The following NEK11 variants were observed in gnomAD, a reference collection of about 807,000 sequenced individuals.
The protein encoded by NEK11 is NIMA related kinase 11.
Under a neutral mutation model 80.7 loss-of-function variants are expected in NEK11, and 72 were observed. The observed-to-expected ratio is 0.89, with a 90% CI of 0.74 to 1.08. The LOEUF (loss-of-function observed/expected upper bound fraction) is 1.08, where lower values mean the gene tolerates loss of function less well. NEK11 is among the 50% of genes least tolerant of loss of function. The pLI, the probability that NEK11 is intolerant of heterozygous loss-of-function variation, is 0.00. For synonymous variants in NEK11, 251 were observed against 260.7 expected (o/e 0.96, Z 0.36); for missense variants, 764 against 763.6 (o/e 1.00, Z -0.01).
At chr3:131,028,734 T>C (rs994239042) in intron 2 of NEK11, among the ~76,000 whole-genome samples, 5 of 152,106 alleles carry the variant, frequency 3.3e-5, no homozygotes, top group Admixed American at 1.3e-4. Flanking sequence ...GCTAATTTTT[T>C]TGTATTAGAC....
At chr3:131,199,955 A>T (rs2094165078) in intron 14 of NEK11, among the ~76,000 whole-genome samples, 1 of 152,168 alleles carries the variant, frequency 6.6e-6, no homozygotes. Flanking sequence ...ATTTCAGGAA[A>T]TAACAGGGGA....
At chr3:131,335,480 A>G (rs1461150037) in intron 17 of NEK11, among the ~76,000 whole-genome samples, 1 of 152,226 alleles carries the variant, frequency 6.6e-6, no homozygotes, top group African/African-American at 2.4e-5. Flanking sequence ...AAATAATAAG[A>G]GCTATCTATG....
At chr3:131,200,185 A>G (rs1265178182) in intron 14 of NEK11, among the ~76,000 whole-genome samples, 1 of 152,246 alleles carries the variant, frequency 6.6e-6, no homozygotes, top group Non-Finnish European at 1.5e-5. Context: ...AAAGAAACGC[A>G]TAAGTAATTG....
intron 10 of NEK11, among the ~76,000 whole-genome samples, chr3:131,159,896 A>G (rs1203191557): frequency 6.6e-6 from 1 of 152,120 alleles, no homozygotes; most frequent in Non-Finnish European, 1.5e-5. Flanking sequence ...AATGAATAAA[A>G]CCTCCAAGAA....
intron 16 of NEK11, among the ~76,000 whole-genome samples, chr3:131,244,872 T>G (rs566042697): frequency 1.3e-4 from 20 of 152,210 alleles, no homozygotes; most frequent in African/African-American, 4.8e-4. Flanking sequence ...TGCGGTGAGT[T>G]GTGATTATAC....
intron 3 of NEK11, among the ~76,000 whole-genome samples, chr3:131,063,731 T>C (rs2071350320): frequency 6.6e-6 from 1 of 152,120 alleles, no homozygotes; most frequent in Non-Finnish European, 1.5e-5. Context: ...AAAATGATTA[T>C]CCTTGAGCTT....
At chr3:131,206,571 C>A (rs1196731665) in intron 14 of NEK11, among the ~76,000 whole-genome samples, 1 of 152,144 alleles carries the variant, frequency 6.6e-6, no homozygotes, top group Admixed American at 6.5e-5. Context: ...TTATCTATCA[C>A]ACAAGCAAAA....
At chr3:131,072,278 C>T (rs1397670641) in intron 3 of NEK11, 2 of 152,220 alleles carry the variant, frequency 1.3e-5, no homozygotes, top group African/African-American at 2.4e-5. Flanking sequence ...TTCATGGCTC[C>T]AGCTGGCTGC....
intron 16 of NEK11, among the ~76,000 whole-genome samples, chr3:131,271,336 G>C (rs995421972): frequency 6.6e-6 from 1 of 152,198 alleles, no homozygotes; most frequent in Non-Finnish European, 1.5e-5. Context: ...TAGGGATCTA[G>C]TCCAAGGAAA....
intron 4 of NEK11, among the ~76,000 whole-genome samples, chr3:131,108,424 AT>A: frequency 1.3e-5 from 2 of 152,242 alleles, no homozygotes; most frequent in South Asian, 4.1e-4. Flanking sequence ...TGTGTTTTGC[AT>A]CCTGCAAAGA....
intron 15 of NEK11, among the ~76,000 whole-genome samples, chr3:131,234,966 C>T (rs2095406839): frequency 6.6e-6 from 1 of 151,742 alleles, no homozygotes; most frequent in Admixed American, 6.6e-5. Context: ...CATTTTTCAC[C>T]CCAATACCAA....
intron 14 of NEK11, among the ~76,000 whole-genome samples, chr3:131,209,237 GTGGTTTTTGTCTT>G (rs1435787016): frequency 6.6e-6 from 1 of 152,142 alleles, no homozygotes; most frequent in Non-Finnish European, 1.5e-5. Flanking sequence ...AGATAATCAT[GTGGTTTTTGTCTT>G]TGGTTCTGTT....
intron 14 of NEK11, among the ~76,000 whole-genome samples, chr3:131,181,623 G>A (rs945630342): frequency 2.0e-5 from 3 of 151,712 alleles, no homozygotes; most frequent in African/African-American, 7.3e-5. Context: ...GCGGGCGCCT[G>A]TAGTCCCAGC....
At chr3:131,224,966 T>G (rs1484713412) in intron 14 of NEK11, among the ~76,000 whole-genome samples, 1 of 152,180 alleles carries the variant, frequency 6.6e-6, no homozygotes, top group African/African-American at 2.4e-5. Context: ...GCTGCTTAAT[T>G]TATTATTGAA....
intron 14 of NEK11, among the ~76,000 whole-genome samples, chr3:131,188,840 G>A (rs2093688849): frequency 6.7e-6 from 1 of 149,214 alleles, no homozygotes. Context: ...TTCCTGTAGT[G>A]AGTTGAATTA....
At chr3:131,045,129 G>T (rs2067194710) in intron 3 of NEK11, among the ~76,000 whole-genome samples, 1 of 152,088 alleles carries the variant, frequency 6.6e-6, no homozygotes, top group Non-Finnish European at 1.5e-5. Context: ...GTGTTTAGAG[G>T]GAAATTTATA....
intron 3 of NEK11, among the ~76,000 whole-genome samples, chr3:131,060,689 A>G (rs1398535440): frequency 6.6e-6 from 1 of 152,198 alleles, no homozygotes; most frequent in Non-Finnish European, 1.5e-5. Flanking sequence ...AAGACTGGTA[A>G]ACAGTATCAC....
At chr3:131,332,071 G>A (rs978722930) in intron 17 of NEK11, among the ~76,000 whole-genome samples, 18 of 152,236 alleles carry the variant, frequency 1.2e-4, no homozygotes, top group Admixed American at 5.9e-4. Context: ...AGTAACCTCT[G>A]CAGAATTAAA....
At chr3:131,162,735 T>A (rs1351201435) in intron 11 of NEK11, among the ~76,000 whole-genome samples, 1 of 152,200 alleles carries the variant, frequency 6.6e-6, no homozygotes, top group Non-Finnish European at 1.5e-5. Context: ...CTTTCAGTCT[T>A]GTGTGAAGGG....
Sources: allele counts gnomAD v4.1 joint callset (sites outside exome capture counted in the v4.1 genomes callset), GRCh38; gene constraint gnomAD v4.1.1; transcripts MANE v1.5; gene names NCBI Gene and HGNC (gene_info 2026-07-23, HGNC 2026-07-21).